Variants in PRKG1 observed in about 807,000 individuals in gnomAD.
PRKG1 encodes the protein cGMP-dependent protein kinase 1.
A neutral mutation model predicts 88.1 loss-of-function variants in PRKG1; 35 were observed. The observed-to-expected ratio is 0.40, with a 90% CI of 0.30 to 0.53. The LOEUF (loss-of-function observed/expected upper bound fraction) is 0.53, where lower values mean the gene tolerates loss of function less well. PRKG1 is among the 20% of genes least tolerant of loss of function. PRKG1 has a pLI of 0.59. For synonymous variants in PRKG1, 303 were observed against 292.5 expected (o/e 1.04, Z -0.37); for missense variants, 540 against 839.8 (o/e 0.64, Z 4.41).
At chr10:52,131,443 G>A (rs1249142830) in intron 7 of PRKG1, among the ~76,000 whole-genome samples, 2 of 152,032 alleles carry the variant, frequency 1.3e-5, no homozygotes, top group Non-Finnish European at 2.9e-5. Context: ...ACGTAGGCTG[G>A]GATTGAAGAG....
chr10:51,802,972 G>A (rs1253574643), intron 3 of PRKG1, among the ~76,000 whole-genome samples: 3 of 152,046 alleles, frequency 2.0e-5, no homozygotes, highest in East Asian at 3.9e-4. Context: ...ATTTCCAACT[G>A]TGCTCTTGTT....
intron 9 of PRKG1, among the ~76,000 whole-genome samples, chr10:52,247,794 G>T (rs61849167): frequency 6.6e-6 from 1 of 152,072 alleles, no homozygotes; most frequent in African/African-American, 2.4e-5. Context: ...ATAATCTGCC[G>T]AGACCAGCTC....
chr10:51,499,511 A>C (rs1410001700), intron 3 of PRKG1, among the ~76,000 whole-genome samples: 1 of 152,206 alleles, frequency 6.6e-6, no homozygotes, highest in Non-Finnish European at 1.5e-5. Flanking sequence ...ATTTTATCTA[A>C]TTATCTACTT....
chr10:51,602,730 A>ATGTGTG lies in PRKG1; in HGVS notation c.592+134895_592+134896insGTGTGT, dbSNP rs1275713886. 9.5e-3 allele frequency among the ~76,000 whole-genome samples: 399 copies of ATGTGTG among 41,808 alleles called. 6 individuals are homozygous for ATGTGTG. Among genetic ancestry groups the ATGTGTG allele is most frequent in the African/African-American group, 0.032 (287 of 8,926 alleles). The allele number at this position is 41,808 out of a possible 152,430, so 27.4% of individuals were successfully genotyped here. ...GCGCCTGGCTGGCTTTGATTAATAT[A>ATGTGTG]TATGTGTGTGTGTGTGTGTGTGTGT... On this transcript the variant is annotated intron_variant, in intron 3 of 17. Coordinates refer to ENST00000373980, the MANE Select transcript of PRKG1 (RefSeq NM_006258.4).
chr10:51,595,627 C>CAATA lies in PRKG1; in HGVS notation c.592+127819_592+127822dup, dbSNP rs10599209. Among the ~76,000 whole-genome samples, 1,288 of 145,942 alleles carry CAATA rather than the reference C, an allele frequency of 8.8e-3. 9 individuals carry two copies. The highest frequency in any genetic ancestry group is 0.012 in the Non-Finnish European group (817 of 66,534). On this transcript the variant is annotated intron_variant, in intron 3 of 17. Transcript: ENST00000373980. ...CCTGGGTGACAGAGTGAGACTCTGC[C>CAATA]AATAAATAAATAAATAAATAAATAA... is the stretch of plus-strand genomic sequence containing the variant.
intron 2 of PRKG1, among the ~76,000 whole-genome samples, chr10:51,426,613 A>G (rs1166913479): frequency 6.6e-6 from 1 of 152,186 alleles, no homozygotes; most frequent in Non-Finnish European, 1.5e-5. Flanking sequence ...AGACCTTGCT[A>G]TCCAATTAAG....
chr10:51,735,764 A>C (rs1837248227), intron 3 of PRKG1, among the ~76,000 whole-genome samples: 1 of 151,200 alleles, frequency 6.6e-6, no homozygotes, highest in Admixed American at 6.6e-5. Context: ...GGGAAAGTCT[A>C]TATGTGTTTG....
chr10:51,558,358 A>G (rs1837367118), intron 3 of PRKG1, among the ~76,000 whole-genome samples: 1 of 152,134 alleles, frequency 6.6e-6, no homozygotes, highest in Non-Finnish European at 1.5e-5. Flanking sequence ...TTAAGTCACA[A>G]ATGTGCTATT....
chr10:51,230,316 A>G (rs973516028), intron 2 of PRKG1, among the ~76,000 whole-genome samples: 1 of 152,202 alleles, frequency 6.6e-6, no homozygotes, highest in African/African-American at 2.4e-5. Flanking sequence ...TACTCAAAGC[A>G]TTGGCACTAA....
Position 51,238,577 on chromosome 10 carries a change from T to C in PRKG1, c.478+85247T>C, listed in dbSNP as rs186603083. Among the ~76,000 whole-genome samples, 290 of 141,054 alleles carry C rather than the reference T, an allele frequency of 2.1e-3. 1 individual carries two copies. Among genetic ancestry groups the C allele is most frequent in the African/African-American group, 7.5e-3 (282 of 37,376 alleles). The allele number at this position is 141,054 out of a possible 152,430, so 92.5% of individuals were successfully genotyped here. On this transcript the variant is annotated intron_variant, in intron 2 of 17. Transcript: ENST00000373980. ...AGCCTTGGCAACAAGAGTGAGACTC[T>C]ACCTTAAAAAAAATAAAAAAATAAA...
At chr10:52,147,076 C>G (rs944269359) in intron 8 of PRKG1, among the ~76,000 whole-genome samples, 1 of 152,152 alleles carries the variant, frequency 6.6e-6, no homozygotes, top group Non-Finnish European at 1.5e-5. Context: ...TTAGTGATTG[C>G]TTCTTTGTTC....
At chr10:51,869,971 C>T (rs1841114204) in intron 4 of PRKG1, among the ~76,000 whole-genome samples, 1 of 151,998 alleles carries the variant, frequency 6.6e-6, no homozygotes, top group Non-Finnish European at 1.5e-5. Flanking sequence ...TCTCAGTTAC[C>T]TTACAAAGAA....
At chr10:51,392,133 GA>G (rs1266756270) in intron 2 of PRKG1, among the ~76,000 whole-genome samples, 3 of 147,992 alleles carry the variant, frequency 2.0e-5, no homozygotes, top group African/African-American at 7.9e-5. Flanking sequence ...TTTACATGAT[GA>G]ATTTTTTTTT....
chr10:52,191,427 C>G (rs999054838), intron 9 of PRKG1, among the ~76,000 whole-genome samples: 6 of 152,000 alleles, frequency 3.9e-5, no homozygotes, highest in Non-Finnish European at 5.9e-5. Flanking sequence ...CTTGGCCTCC[C>G]AAAGTGCTGG....
At chr10:51,069,018 A>C (rs956726286) in intron 1 of PRKG1, among the ~76,000 whole-genome samples, 4 of 151,930 alleles carry the variant, frequency 2.6e-5, no homozygotes, top group Admixed American at 6.6e-5. Context: ...AGTACAAATA[A>C]ATATTCATTT....
At chr10:52,224,249 C>A (rs1411329798) in intron 9 of PRKG1, among the ~76,000 whole-genome samples, 2 of 152,016 alleles carry the variant, frequency 1.3e-5, no homozygotes, top group South Asian at 4.2e-4. Flanking sequence ...AATTGTAACA[C>A]ATATCAGACA....
intron 3 of PRKG1, among the ~76,000 whole-genome samples, chr10:51,719,782 C>A (rs1841969204): frequency 6.6e-6 from 1 of 152,276 alleles, no homozygotes; most frequent in South Asian, 2.1e-4. Context: ...TCTTTCAGAA[C>A]TTTTCTGTAA....
At chr10:51,942,029 G>C (rs552263916) in intron 5 of PRKG1, among the ~76,000 whole-genome samples, 1 of 151,926 alleles carries the variant, frequency 6.6e-6, no homozygotes, top group Admixed American at 6.6e-5. Context: ...ATCGCCACAC[G>C]GACTTCCACA....
At chr10:51,726,653 A>G (rs1227744144) in intron 3 of PRKG1, among the ~76,000 whole-genome samples, 1 of 152,238 alleles carries the variant, frequency 6.6e-6, no homozygotes, top group Non-Finnish European at 1.5e-5. Flanking sequence ...CCTTATGAAT[A>G]TAGTCTGTTC....
Sources: allele counts gnomAD v4.1 joint callset (sites outside exome capture counted in the v4.1 genomes callset), GRCh38; gene constraint gnomAD v4.1.1; transcripts MANE v1.5; gene names NCBI Gene and HGNC (gene_info 2026-07-23, HGNC 2026-07-21).